Variants in CDH4 observed in about 807,000 individuals in gnomAD.
CDH4 encodes the protein cadherin 4.
CDH4 carries 33 observed loss-of-function variants against 86.0 expected under a neutral mutation model. That is an observed-to-expected ratio of 0.38 (90% confidence interval 0.29 to 0.51). The LOEUF is 0.51. CDH4 is among the 20% of genes least tolerant of loss of function. The probability of loss-of-function intolerance (pLI) is 0.86; values close to 1 mark genes in which losing one functional copy is unlikely to be tolerated. For missense variants in CDH4, 1,114 were observed against 1,307.4 expected, an observed-to-expected ratio of 0.85 and a Z score of 2.28; for synonymous variants, 555 against 549.4, an observed-to-expected ratio of 1.01 and a Z score of -0.14.
chr20:61,520,370 C>T (rs2085859756), intron 2 of CDH4, among the ~76,000 whole-genome samples: 2 of 152,204 alleles, frequency 1.3e-5, no homozygotes, highest in African/African-American at 4.8e-5. Flanking sequence ...GTTGAAATGC[C>T]ACATCCATCC....
chr20:61,744,079 A>G (rs1367125131), intron 3 of CDH4, among the ~76,000 whole-genome samples: 1 of 152,084 alleles, frequency 6.6e-6, no homozygotes, highest in African/African-American at 2.4e-5. Context: ...GGGGCCCCAA[A>G]TTTTCATTTC....
chr20:61,890,028 G>A (rs919308416), intron 7 of CDH4, among the ~76,000 whole-genome samples: 1 of 150,188 alleles, frequency 6.7e-6, no homozygotes, highest in Non-Finnish European at 1.5e-5. Flanking sequence ...TGATGGATGA[G>A]TGAGTGGATA....
intron 8 of CDH4, among the ~76,000 whole-genome samples, chr20:61,906,507 A>G (rs947030843): frequency 6.6e-6 from 1 of 152,244 alleles, no homozygotes; most frequent in African/African-American, 2.4e-5. Context: ...AGGGCTGCCA[A>G]GTGGCTCCCG....
chr20:61,845,997 C>A (rs945975471), intron 5 of CDH4, among the ~76,000 whole-genome samples: 3 of 152,254 alleles, frequency 2.0e-5, no homozygotes, highest in Non-Finnish European at 4.4e-5. Flanking sequence ...AAGTACAGAG[C>A]CTGGCCTTCA....
intron 4 of CDH4, among the ~76,000 whole-genome samples, chr20:61,835,945 G>A (rs953207206): frequency 3.3e-5 from 5 of 152,206 alleles, no homozygotes; most frequent in Admixed American, 1.3e-4. Flanking sequence ...ACTGTCCCGA[G>A]CGGAAGGACC....
At chr20:61,737,461 C>T (rs948623251) in intron 2 of CDH4, among the ~76,000 whole-genome samples, 1 of 152,158 alleles carries the variant, frequency 6.6e-6, no homozygotes, top group Non-Finnish European at 1.5e-5. Flanking sequence ...CCATCCCACC[C>T]CAGGGACCCC....
chr20:61,595,871 G>T (rs1044907805), intron 2 of CDH4, among the ~76,000 whole-genome samples: 1 of 152,222 alleles, frequency 6.6e-6, no homozygotes, highest in Admixed American at 6.5e-5. Flanking sequence ...GCACAGTGGG[G>T]GTGAATGATT....
chr20:61,764,322 T>G (rs2088673320), intron 3 of CDH4, among the ~76,000 whole-genome samples: 2 of 152,228 alleles, frequency 1.3e-5, no homozygotes, highest in Admixed American at 1.3e-4. Flanking sequence ...GTTGTCTTTG[T>G]CTGTGTGCCT....
At chr20:61,286,944 C>T (rs570449532) in intron 2 of CDH4, among the ~76,000 whole-genome samples, 9 of 152,326 alleles carry the variant, frequency 5.9e-5, no homozygotes, top group Non-Finnish European at 1.3e-4. Flanking sequence ...CTTAAACATA[C>T]TGGATGTCAC....
At chr20:61,556,587 G>A (rs765968834) in intron 2 of CDH4, among the ~76,000 whole-genome samples, 10 of 152,180 alleles carry the variant, frequency 6.6e-5, no homozygotes, top group Non-Finnish European at 1.5e-4. Flanking sequence ...CCATCACACG[G>A]CGAAGACTCT....
At chr20:61,648,451 G>T (rs943375990) in intron 2 of CDH4, among the ~76,000 whole-genome samples, 3 of 152,194 alleles carry the variant, frequency 2.0e-5, no homozygotes. Context: ...AGGTCCAACC[G>T]AGCTGGAGGC....
At chr20:61,396,353 G>A (rs987450176) in intron 2 of CDH4, among the ~76,000 whole-genome samples, 5 of 152,174 alleles carry the variant, frequency 3.3e-5, no homozygotes, top group South Asian at 2.1e-4. Flanking sequence ...CTGGGACTGT[G>A]TATGGAACTG....
At chr20:61,711,679 C>T (rs2087894972) in intron 2 of CDH4, among the ~76,000 whole-genome samples, 1 of 152,198 alleles carries the variant, frequency 6.6e-6, no homozygotes, top group Non-Finnish European at 1.5e-5. Flanking sequence ...GTGGCATAGT[C>T]ACAGGTCTGG....
intron 2 of CDH4, among the ~76,000 whole-genome samples, chr20:61,707,548 G>C (rs576612016): frequency 8.5e-5 from 13 of 152,346 alleles, no homozygotes; most frequent in African/African-American, 2.6e-4. Flanking sequence ...CTGCCCTGGT[G>C]CATAGTGAAA....
rs1020409399 is a variant in CDH4, at chr20:61,923,660, G to A, written c.1584G>A (p.Thr528=). The A allele has an allele frequency of 1.9e-5, 31 of 1,614,028 alleles. No homozygotes were observed. The highest frequency in any genetic ancestry group is 2.2e-5 in the South Asian group (2 of 91,084). ...TGCCCCCCGGCACCGTGCTGACCAC[G>A]TTTTCAGCTGTGGACCCTGACCGGT... ...EGVPPGTVLT[T]FSAVDPDRFM... is the part of the protein sequence containing the mutation. Residue 528 remains threonine, a synonymous_variant, in exon 10 of 16, where the codon ACG becomes ACA. Coordinates refer to ENST00000614565, the MANE Select transcript of CDH4 (RefSeq NM_001794.5).
In CDH4 at chr20:61,663,819, A is replaced by G. The variant is rs2087290167; in HGVS notation, c.170-79744A>G. ...GGCACCACTGAACACGGGGTAAACC[A>G]ATCACCAGTCACTCCCACGCTGGGT... On this transcript the variant is annotated intron_variant, in intron 2 of 15. Coordinates refer to ENST00000614565, the MANE Select transcript of CDH4 (RefSeq NM_001794.5). The surrounding 1 kb of genome is among the most constrained non-coding windows in gnomAD (Gnocchi z 5.0). Among the ~76,000 whole-genome samples, 1 of 152,148 alleles carries G rather than the reference A, an allele frequency of 6.6e-6. No homozygotes were observed. Among genetic ancestry groups the G allele is most frequent in the Admixed American group, 6.5e-5 (1 of 15,286 alleles).
intron 2 of CDH4, among the ~76,000 whole-genome samples, chr20:61,260,814 A>G (rs1011910323): frequency 1.3e-5 from 2 of 151,652 alleles, no homozygotes; most frequent in African/African-American, 2.4e-5. Context: ...TTTCCCTCTT[A>G]TAGTTTTGTC....
intron 10 of CDH4, 134 bp from the exon 11 acceptor site, chr20:61,924,200 G>T (rs992888928): frequency 1.1e-6 from 1 of 889,486 alleles, no homozygotes; most frequent in Admixed American, 2.6e-5. Flanking sequence ...GGAGGACAAG[G>T]CCTGGGGGGC....
intron 2 of CDH4, among the ~76,000 whole-genome samples, chr20:61,646,207 T>A (rs1535139): frequency 8.6e-5 from 13 of 151,788 alleles, no homozygotes; most frequent in African/African-American, 2.7e-4. Context: ...GGCACCTAGA[T>A]CAGGGGCCTC....
Sources: gnomAD v4.1 joint callset for allele counts (sites outside exome capture counted in the v4.1 genomes callset) on GRCh38, gnomAD v4.1.1 for gene constraint, Gnocchi (gnomAD v3.1) non-coding constraint, MANE v1.5 for transcripts, NCBI Gene and HGNC (gene_info 2026-07-23, HGNC 2026-07-21) for gene names.